The following BCAS3 variants were observed in gnomAD, a reference collection of about 807,000 sequenced individuals.
BCAS3 encodes BCAS3 microtubule associated cell migration factor, also known as BCAS4/BCAS3 fusion.
In BCAS3, 53 loss-of-function variants were observed where a neutral mutation model predicts 116.1. That is an observed-to-expected ratio of 0.46 (90% confidence interval 0.37 to 0.57). The LOEUF (loss-of-function observed/expected upper bound fraction) is 0.57. Ranked by LOEUF, BCAS3 falls within the 20% of genes least tolerant of loss-of-function variation. The pLI is 0.00. For synonymous variants in BCAS3, 391 were observed against 408.2 expected (o/e 0.96, Z 0.51); for missense variants, 917 against 1,165.4 (o/e 0.79, Z 3.10).
chr17:60,891,799 G>C (rs1006858206), intron 10 of BCAS3: 3 of 453,010 alleles, frequency 6.6e-6, no homozygotes, highest in Non-Finnish European at 1.3e-5. Context: ...ACCCTCAGCT[G>C]CCTCTTCCCT....
chr17:61,354,145 AC>A lies in BCAS3; in HGVS notation c.2426-14179del, dbSNP rs2058024262. The A allele has an allele frequency of 6.6e-6, 1 of 152,114 alleles. No homozygotes were observed. Among genetic ancestry groups the A allele is most frequent in the Non-Finnish European group, 1.5e-5 (1 of 68,042 alleles). 9.4% of individuals were successfully genotyped at this position (152,114 alleles called of 1,614,324 possible). On this transcript the variant is annotated intron_variant, in intron 22 of 23. Transcript: ENST00000407086. The surrounding 1 kb of genome is among the most constrained non-coding windows in gnomAD (Gnocchi z 4.5). The stretch of plus-strand genomic sequence containing the variant: ...GACCTTCACAGAAGGTCGCACAACC[AC>A]CCTGGACGGTGAGAAACTAAGGTGA...
At chr17:61,153,949 T>C (rs944228514) in intron 22 of BCAS3, among the ~76,000 whole-genome samples, 1 of 152,216 alleles carries the variant, frequency 6.6e-6, no homozygotes, top group Admixed American at 6.5e-5. Flanking sequence ...ACTAGCCAGC[T>C]TAAAAGTCTC....
At position 61,392,378 on chromosome 17, in the gene BCAS3, T is replaced by TATG. The variant is rs764934245; in HGVS notation, c.*254_*256dup. ...AGACTGTAGAAGCTCGGTCCCTGTG[T>TATG]ATGTTTGCATATGACATCCTGCATT... On this transcript the variant is annotated 3_prime_UTR_variant, in exon 24 of 24. Transcript: ENST00000407086. This position sits in a 1 kb window ranked among gnomAD's most constrained non-coding sequence, Gnocchi z 6.4. 4 of 410,228 alleles carry TATG rather than the reference T, an allele frequency of 9.8e-6. No homozygotes were observed. Among genetic ancestry groups the TATG allele is most frequent in the African/African-American group, 2.0e-5 (1 of 49,072 alleles). 25.4% of individuals were successfully genotyped at this position (410,228 alleles called of 1,614,324 possible).
chr17:61,192,246 CA>C (rs60456812), intron 22 of BCAS3, among the ~76,000 whole-genome samples: 24,746 of 71,146 alleles, frequency 0.35, 3,603 homozygotes, highest in Middle Eastern at 0.42. Context: ...GCTCTGTTAC[CA>C]AAAAAAAAAA....
chr17:60,693,822 A>T (rs890711144), intron 4 of BCAS3, among the ~76,000 whole-genome samples: 10 of 146,072 alleles, frequency 6.8e-5, no homozygotes, highest in African/African-American at 2.0e-4. Flanking sequence ...AAAGGGAATT[A>T]TTTTTTTTTA....
intron 22 of BCAS3, among the ~76,000 whole-genome samples, chr17:61,168,132 G>A (rs2144100627): frequency 6.6e-6 from 1 of 152,192 alleles, no homozygotes; most frequent in African/African-American, 2.4e-5. Context: ...TTCATTTGCT[G>A]GGTCAGGTTT....
At chr17:60,747,396 C>T in intron 6 of BCAS3, 117 bp downstream of exon 6, 1 of 737,460 alleles carries the variant, frequency 1.4e-6, no homozygotes, top group Non-Finnish European at 2.3e-6. Flanking sequence ...TGTCCATTCC[C>T]CTTCCCCACC....
At chr17:61,114,251 G>A (rs1311776637) in intron 22 of BCAS3, among the ~76,000 whole-genome samples, 12 of 143,896 alleles carry the variant, frequency 8.3e-5, no homozygotes, top group East Asian at 4.1e-4. Context: ...CAATTAGGCA[G>A]GAGAAGGAAA....
chr17:61,204,778 A>T lies in BCAS3; in HGVS notation c.2425+120214A>T, dbSNP rs191293727. On this transcript the variant is annotated intron_variant, in intron 22 of 23. Coordinates refer to ENST00000407086, the MANE Select transcript of BCAS3 (RefSeq NM_017679.5). The surrounding 1 kb of genome is among the most constrained non-coding windows in gnomAD (Gnocchi z 4.2). ...CAAAAAATTAAAGAATTGGCCTGGCATGGTGGCTCATGTCTGTAATCCAAG... is the reference window on the plus strand; with the variant it reads ...CAAAAAATTAAAGAATTGGCCTGGCTTGGTGGCTCATGTCTGTAATCCAAG... Among the ~76,000 whole-genome samples, 161 of 152,292 alleles carry T rather than the reference A, an allele frequency of 1.1e-3. 1 individual carries two copies. The highest frequency in any genetic ancestry group is 3.7e-3 in the African/African-American group (153 of 41,570).
chr17:60,832,388 G>A (rs958016602), intron 7 of BCAS3, among the ~76,000 whole-genome samples: 1 of 152,162 alleles, frequency 6.6e-6, no homozygotes, highest in East Asian at 1.9e-4. Flanking sequence ...CGTTTGTTGT[G>A]TGAGGAGGGT....
intron 22 of BCAS3, among the ~76,000 whole-genome samples, chr17:61,177,073 A>G (rs2079192028): frequency 6.6e-6 from 1 of 152,230 alleles, no homozygotes; most frequent in Non-Finnish European, 1.5e-5. Flanking sequence ...AAGGACATAG[A>G]GCAACTGGAG....
intron 19 of BCAS3, among the ~76,000 whole-genome samples, chr17:61,059,389 G>A (rs554640516): frequency 5.3e-5 from 8 of 151,834 alleles, no homozygotes; most frequent in African/African-American, 9.7e-5. Context: ...GCCTCTCCCC[G>A]TCTTTAAAAT....
intron 14 of BCAS3, among the ~76,000 whole-genome samples, chr17:60,982,665 GTCTT>G (rs1377082363): frequency 2.0e-5 from 3 of 152,078 alleles, no homozygotes; most frequent in African/African-American, 7.2e-5. Context: ...TAAAAAGAAT[GTCTT>G]TCTTCTCATT....
In BCAS3 at chr17:61,077,089, A is replaced by G. The variant is rs537641662; in HGVS notation, c.2131-1244A>G. Among the ~76,000 whole-genome samples the G allele has an allele frequency of 8.6e-5, 13 of 151,958 alleles. No homozygotes were observed. The highest frequency in any genetic ancestry group is 1.6e-4 in the Non-Finnish European group (11 of 68,028). ...GGCATGAATGTACCATTGACAAGAC[A>G]TTTAAACTAGTTTGTATATTTAGTC... On this transcript the variant is annotated intron_variant, in intron 20 of 23. Transcript: ENST00000407086. The surrounding 1 kb of genome is among the most constrained non-coding windows in gnomAD (Gnocchi z 4.3).
chr17:61,125,771 T>C (rs1458717715), intron 22 of BCAS3, among the ~76,000 whole-genome samples: 6 of 152,304 alleles, frequency 3.9e-5, no homozygotes, highest in Admixed American at 6.5e-5. Context: ...CTTACAGCTA[T>C]GATTTATACT....
Position 60,911,123 on chromosome 17 carries a change from C to CTTTCTTT in BCAS3, c.993+424_993+425insCTTTTTT, listed in dbSNP as rs1486274901. ...AATAAATTTTTTTCTTTTTTTCTTT[C>CTTTCTTT]TTTTTTTTTTTTTTTTTGAGATGGA... On this transcript the variant is annotated intron_variant, in intron 12 of 23. Transcript: ENST00000407086. Among the ~76,000 whole-genome samples the CTTTCTTT allele has an allele frequency of 4.1e-4, 36 of 88,264 alleles. 1 individual carries two copies. Among genetic ancestry groups the CTTTCTTT allele is most frequent in the Non-Finnish European group, 5.8e-4 (29 of 50,044 alleles). 57.9% of individuals were successfully genotyped at this position (88,264 alleles called of 152,430 possible). A position where few individuals can be genotyped will look rare whatever the true frequency, so the allele number is the denominator to read the frequency against.
chr17:60,842,357 TATAATC>T (rs1176055488), intron 7 of BCAS3, among the ~76,000 whole-genome samples: 1 of 152,128 alleles, frequency 6.6e-6, no homozygotes, highest in African/African-American at 2.4e-5. Context: ...TTAGGATACT[TATAATC>T]ATTAAAAATC....
At chr17:61,081,753 A>G (rs2072629749) in intron 21 of BCAS3, among the ~76,000 whole-genome samples, 1 of 152,018 alleles carries the variant, frequency 6.6e-6, no homozygotes, top group Non-Finnish European at 1.5e-5. Flanking sequence ...CCAATTAGAA[A>G]CCCAACTATT....
intron 5 of BCAS3, among the ~76,000 whole-genome samples, chr17:60,731,780 A>ATTTTTTTTTTTTTT (rs538038279): frequency 3.2e-5 from 4 of 125,974 alleles, no homozygotes; most frequent in African/African-American, 8.9e-5. Context: ...TCACCCTCCT[A>ATTTTTTTTTTTTTT]TTTTTTTTTT....
Sources: allele counts gnomAD v4.1 joint callset (sites outside exome capture counted in the v4.1 genomes callset), GRCh38; gene constraint gnomAD v4.1.1; non-coding constraint Gnocchi (gnomAD v3.1); transcripts MANE v1.5; gene names NCBI Gene and HGNC (gene_info 2026-07-23, HGNC 2026-07-21).